SLC1A5: variants seen among roughly 807,000 people sequenced by gnomAD.
The protein encoded by SLC1A5 is solute carrier family 1 member 5, also known as neutral amino acid transporter B(0).
Under a neutral mutation model 34.9 loss-of-function variants are expected in SLC1A5, and 25 were observed. That is an observed-to-expected ratio of 0.72 (90% CI 0.52 to 1.00). The LOEUF (loss-of-function observed/expected upper bound fraction) is 1.00, where lower values mean the gene tolerates loss of function less well. Among genes scored for constraint, SLC1A5 ranks in the 50% least tolerant of loss-of-function variants. The pLI is 0.00. For missense variants in SLC1A5, 637 were observed against 740.0 expected (o/e 0.86, Z 1.61); for synonymous variants, 351 against 341.2 (o/e 1.03, Z -0.32).
chr19:46,776,085 CG>C (rs2122678043), intron 7 of SLC1A5, among the ~76,000 whole-genome samples: 1 of 151,004 alleles, frequency 6.6e-6, no homozygotes, highest in East Asian at 1.9e-4. Flanking sequence ...GACTGTGTCT[CG>C]AAAAAAAATT....
Position 46,775,623 on chromosome 19 carries a change from G to T in SLC1A5, c.1513C>A (p.Leu505Met), listed in dbSNP as rs1268392976. The T allele has an allele frequency of 6.2e-7, 1 of 1,614,164 alleles. No homozygotes were observed. The highest frequency in any genetic ancestry group is 2.2e-5 in the East Asian group (1 of 44,880). ...EPELIQVKSELPLDPLPVPTE... is the reference protein window; with the variant it reads ...EPELIQVKSEMPLDPLPVPTE... ...GGGACTGGCAGCGGATCCAGGGGCA[G>T]CTCACTCTTCACTTGTATCAACTCA... Residue 505 changes from leucine (L) to methionine (M), a missense_variant, in exon 8 of 8, where the codon CTG becomes ATG. Leu to Met is a conservative substitution (Grantham distance 15). Coordinates refer to ENST00000542575, the MANE Select transcript of SLC1A5 (RefSeq NM_005628.3).
chr19:46,788,391 A>T lies in SLC1A5; in HGVS notation c.-426T>A, dbSNP rs766381932. Reference sequence around the variant, plus strand: ...GGACGCCTGGATCCGGGAGGCGGGGACCCGGGCTGCCTGGGTCTTGGACAC... The same window carrying T: ...GGACGCCTGGATCCGGGAGGCGGGGTCCCGGGCTGCCTGGGTCTTGGACAC... On this transcript the variant is annotated 5_prime_UTR_variant, in exon 1 of 8. Transcript: ENST00000542575. 3.5e-4 allele frequency: 58 copies of T among 167,236 alleles called. No individual in the cohort carries two copies. Among genetic ancestry groups the T allele is most frequent in the Non-Finnish European group, 5.6e-4 (44 of 78,706 alleles). 10.4% of individuals were successfully genotyped at this position (167,236 alleles called of 1,614,324 possible).
chr19:46,785,201 C>G (rs1192479284), intron 1 of SLC1A5, among the ~76,000 whole-genome samples: 1 of 152,032 alleles, frequency 6.6e-6, no homozygotes, highest in African/African-American at 2.4e-5. Flanking sequence ...GGCAACATGA[C>G]GAAACCGTGT....
chr19:46,787,760 C>T lies in SLC1A5; in HGVS notation c.206G>A (p.Gly69Glu). 6.4e-7 allele frequency: 1 copy of T among 1,551,096 alleles called. No homozygotes were observed. Among genetic ancestry groups the T allele is most frequent in the Non-Finnish European group, 8.7e-7 (1 of 1,151,712 alleles). The change falls in exon 1 of 8, where the codon GGA becomes GAA. Residue 69 changes from glycine to glutamate, a missense_variant. Transcript: ENST00000542575. The surrounding 1 kb of genome is among the most constrained non-coding windows in gnomAD (Gnocchi z 5.2). ...VVAVVAGVAL[G>E]LGVSGAGGAL... ...ACCCCCGGCCCCCGACACCCCCAGT[C>T]CCAGCGCCACGCCGGCCACCACGGC...
In SLC1A5 at chr19:46,787,139, C is replaced by A; in HGVS notation, c.566+261G>T. On this transcript the variant is annotated intron_variant, in intron 1 of 7. Coordinates refer to ENST00000542575, the MANE Select transcript of SLC1A5 (RefSeq NM_005628.3). This position sits in a 1 kb window ranked among gnomAD's most constrained non-coding sequence, Gnocchi z 5.2. ...GTCTTTCTCCCCTAGGCAGACCCTC[C>A]TATGTCTCCCCAAATCACTTTCTTC... 1 of 1,059,950 alleles carries A rather than the reference C, an allele frequency of 9.4e-7. No individual in the cohort carries two copies. Among genetic ancestry groups the A allele is most frequent in the East Asian group, 3.2e-5 (1 of 31,232 alleles). The allele number at this position is 1,059,950 out of a possible 1,614,324, so 65.7% of individuals were successfully genotyped here.
At position 46,787,797 on chromosome 19, in the gene SLC1A5, G is replaced by A. The variant is rs1357303968; in HGVS notation, c.169C>T (p.Leu57=). ...CCGGCCACCACGGCCACCACTGTCA[G>A]CAGCACAAGCAGGTTGGCTCGAAGG... is the stretch of plus-strand genomic sequence containing the variant. The part of the protein sequence containing the change: ...RCLRANLLVL[L]TVVAVVAGVA... Residue 57 remains leucine, a synonymous_variant, in exon 1 of 8, where the codon CTG becomes TTG. Transcript: ENST00000542575. The surrounding 1 kb of genome is among the most constrained non-coding windows in gnomAD (Gnocchi z 5.2). 2 of 1,550,710 alleles carry A rather than the reference G, an allele frequency of 1.3e-6. No individual in the cohort carries two copies. Among genetic ancestry groups the A allele is most frequent in the Non-Finnish European group, 1.7e-6 (2 of 1,149,090 alleles).
At chr19:46,784,424 AG>A in intron 2 of SLC1A5, 92 bp downstream of exon 2, 1 of 1,448,974 alleles carries the variant, frequency 6.9e-7, no homozygotes, top group Non-Finnish European at 9.6e-7. Flanking sequence ...GCATTTTTCC[AG>A]GAACTAACCA....
chr19:46,785,972 A>T (rs957020651), intron 1 of SLC1A5, among the ~76,000 whole-genome samples: 1 of 151,870 alleles, frequency 6.6e-6, no homozygotes, highest in Non-Finnish European at 1.5e-5. Flanking sequence ...AGGCACGAGA[A>T]TCACTTAAAT....
Position 46,787,992 on chromosome 19 carries a change from G to A in SLC1A5, c.-27C>T, listed in dbSNP as rs1324823709. On this transcript the variant is annotated 5_prime_UTR_variant, in exon 1 of 8. Transcript: ENST00000542575. The surrounding 1 kb of genome is among the most constrained non-coding windows in gnomAD (Gnocchi z 5.2). ...ATGGGAAGCACCGGGGTTTCTTAGC[G>A]CCTGGAAGCTGGCTGGGAGCGCTTG... is the stretch of plus-strand genomic sequence containing the variant. 2 of 1,518,238 alleles carry A rather than the reference G, an allele frequency of 1.3e-6. No homozygotes were observed. The highest frequency in any genetic ancestry group is 8.8e-7 in the Non-Finnish European group (1 of 1,135,722). The allele number at this position is 1,518,238 out of a possible 1,614,324, so 94.0% of individuals were successfully genotyped here.
Position 46,787,690 on chromosome 19 carries a change from C to T in SLC1A5, c.276G>A (p.Pro92=). Residue 92 remains proline (P), a synonymous_variant, in exon 1 of 8, where the codon CCG becomes CCA. Transcript: ENST00000542575. The surrounding 1 kb of genome is among the most constrained non-coding windows in gnomAD (Gnocchi z 5.2). ...GCAGCAGACGCAGCAGCAGCTCGCC[C>T]GGGAAGACGAAGGCGCTCAAGCGCT... ...GPERLSAFVF[P]GELLLRLLRM... 1 of 1,590,620 alleles carries T rather than the reference C, an allele frequency of 6.3e-7. No individual in the cohort carries two copies. Among genetic ancestry groups the T allele is most frequent in the Non-Finnish European group, 8.5e-7 (1 of 1,172,920 alleles).
chr19:46,782,354 C>CCCCCCCCCCCCCAAA, intron 4 of SLC1A5, 29 bp downstream of exon 4: 1 of 827,482 alleles, frequency 1.2e-6, no homozygotes, highest in Non-Finnish European at 1.9e-6. Context: ...CAACCCCACC[C>CCCCCCCCCCCCCAAA]ACCCCCAGCC....
At position 46,787,904 on chromosome 19, in the gene SLC1A5, C is replaced by T; in HGVS notation, c.62G>A (p.Gly21Glu). ...GLAAAEPTAN[G>E]GLALASIEDQ... ...CTCGATGGAGGCCAGCGCCAGGCCC[C>T]CGTTGGCGGTGGGCTCCGCCGCTGC... Residue 21 changes from glycine (G) to glutamate (E), a missense_variant, in exon 1 of 8, where the codon GGG (glycine) becomes GAG (glutamate). Gly to Glu is a moderately conservative substitution (Grantham distance 98, BLOSUM62 -2). Coordinates refer to ENST00000542575, the MANE Select transcript of SLC1A5 (RefSeq NM_005628.3). This position sits in a 1 kb window ranked among gnomAD's most constrained non-coding sequence, Gnocchi z 5.2. 6.4e-7 allele frequency: 1 copy of T among 1,573,716 alleles called. No individual in the cohort carries two copies. The highest frequency in any genetic ancestry group is 8.6e-7 in the Non-Finnish European group (1 of 1,161,206).
intron 1 of SLC1A5, among the ~76,000 whole-genome samples, chr19:46,785,173 G>A (rs1465924399): frequency 1.3e-5 from 2 of 152,150 alleles, no homozygotes; most frequent in Non-Finnish European, 2.9e-5. Context: ...CTTGAGCCAG[G>A]AGTTGAAGAC....
At chr19:46,780,185 T>G (rs549492595) in intron 4 of SLC1A5, among the ~76,000 whole-genome samples, 3 of 151,478 alleles carry the variant, frequency 2.0e-5, no homozygotes, top group Non-Finnish European at 1.5e-5. Context: ...ACAAAAAAAA[T>G]GAGCTAGGCT....
chr19:46,779,424 CAAAAAAAAAA>C (rs761721702), intron 4 of SLC1A5, among the ~76,000 whole-genome samples: 17 of 64,568 alleles, frequency 2.6e-4, no homozygotes, highest in Admixed American at 1.2e-3. Context: ...AACTCCATCT[CAAAAAAAAAA>C]AAAAAAAAAA....
At chr19:46,777,496 C>G in intron 5 of SLC1A5, 91 bp from the exon 6 acceptor site, 1 of 1,238,692 alleles carries the variant, frequency 8.1e-7, no homozygotes, top group Non-Finnish European at 1.1e-6. Flanking sequence ...CCTCGCCTAC[C>G]CCACCCCAAC....
At position 46,784,635 on chromosome 19, in the gene SLC1A5, G is replaced by A. The variant is rs375530833; in HGVS notation, c.567-76C>T. The A allele has an allele frequency of 4.9e-5, 79 of 1,613,214 alleles. No homozygotes were observed. The African/African-American group carries it at 6.8e-4, about 14-fold the overall frequency. On this transcript the variant is annotated intron_variant, in intron 1 of 7. Coordinates refer to ENST00000542575, the MANE Select transcript of SLC1A5 (RefSeq NM_005628.3). ...GCATTGTCTGAGAGGCTGGGTTGGC[G>A]TTTTAAGGCAGCGAGTGGAAGCTTT...
intron 4 of SLC1A5, among the ~76,000 whole-genome samples, chr19:46,782,018 C>A (rs754768669): frequency 1.5e-4 from 23 of 152,086 alleles, no homozygotes; most frequent in Non-Finnish European, 2.5e-4. Context: ...CTCAGGTTCC[C>A]GAGTAACTGG....
chr19:46,779,073 C>G lies in SLC1A5; in HGVS notation c.825-165G>C, dbSNP rs374200746. 3.3e-5 allele frequency among the ~76,000 whole-genome samples: 5 copies of G among 151,756 alleles called. No individual in the cohort carries two copies. The East Asian group carries it at 5.8e-4, about 18-fold the overall frequency. ...CCACTCCCAGGCCTGGCCCCTGAAG[C>G]CCCCATGCCAATCTCATGCTCTCTT... On this transcript the variant is annotated intron_variant, in intron 4 of 7. Transcript: ENST00000542575.
Sources: gnomAD v4.1 joint callset for allele counts (sites outside exome capture counted in the v4.1 genomes callset) on GRCh38, gnomAD v4.1.1 for gene constraint, Gnocchi (gnomAD v3.1) non-coding constraint, MANE v1.5 for transcripts, NCBI Gene and HGNC (gene_info 2026-07-23, HGNC 2026-07-21) for gene names.